The following PDE4D variants were observed in gnomAD, a reference collection of about 807,000 sequenced individuals.
The protein encoded by PDE4D is phosphodiesterase 4D, also known as 3',5'-cyclic-AMP phosphodiesterase 4D.
A neutral mutation model predicts 87.4 loss-of-function variants in PDE4D; 24 were observed. The ratio of observed to expected loss-of-function variants is 0.27; its 90% CI spans 0.20 to 0.39. PDE4D has a LOEUF of 0.39. Among genes scored for constraint, PDE4D ranks in the 10% least tolerant of loss-of-function variants. The probability of loss-of-function intolerance (pLI) is 1.00; values close to 1 mark genes in which losing one functional copy is unlikely to be tolerated. For missense variants in PDE4D, 714 were observed against 1,041.0 expected (o/e 0.69, Z 4.32); for synonymous variants, 384 against 383.2 (o/e 1.00, Z -0.02).
intron 1 of PDE4D, among the ~76,000 whole-genome samples, chr5:59,828,391 A>C (rs1770576561): frequency 6.6e-6 from 1 of 152,076 alleles, no homozygotes; most frequent in East Asian, 1.9e-4. Context: ...AAGATGACTA[A>C]AAAGAAATGT....
intron 3 of PDE4D, among the ~76,000 whole-genome samples, chr5:59,952,488 CA>C (rs1157111336): frequency 6.6e-6 from 1 of 152,238 alleles, no homozygotes. Context: ...TTATATTTTC[CA>C]AAGATTAATA....
At chr5:59,058,785 A>C (rs1050491067) in intron 5 of PDE4D, among the ~76,000 whole-genome samples, 1 of 152,118 alleles carries the variant, frequency 6.6e-6, no homozygotes, top group Admixed American at 6.5e-5. Context: ...GAAAAAAAAA[A>C]ATCACTTCCG....
At chr5:59,323,435 C>T (rs571907403) in intron 1 of PDE4D, among the ~76,000 whole-genome samples, 234 of 152,160 alleles carry the variant, frequency 1.5e-3, no homozygotes, top group African/African-American at 5.2e-3. Flanking sequence ...GAATTTCATA[C>T]AGAATAAGCC....
At chr5:59,640,795 AAACAAC>A (rs765627326) in intron 1 of PDE4D, among the ~76,000 whole-genome samples, 5 of 152,206 alleles carry the variant, frequency 3.3e-5, no homozygotes, top group Non-Finnish European at 7.3e-5. Flanking sequence ...CACAGAAAAC[AAACAAC>A]AACAACAACA....
chr5:59,929,880 A>G (rs988862090), intron 3 of PDE4D, among the ~76,000 whole-genome samples: 2 of 152,212 alleles, frequency 1.3e-5, no homozygotes, highest in Non-Finnish European at 2.9e-5. Context: ...CTGTCTCTGG[A>G]AACCATAATG....
chr5:59,651,254 T>TCAA (rs531393357), intron 1 of PDE4D, among the ~76,000 whole-genome samples: 7,965 of 94,302 alleles, frequency 0.084, 280 homozygotes, highest in South Asian at 0.13. Flanking sequence ...AGACTCTGTC[T>TCAA]CAACAATAAT....
intron 1 of PDE4D, among the ~76,000 whole-genome samples, chr5:59,861,379 G>C (rs1300462377): frequency 6.6e-6 from 1 of 152,098 alleles, no homozygotes; most frequent in Non-Finnish European, 1.5e-5. Context: ...GAGTTTCCAA[G>C]CGAATTGTTA....
At chr5:59,218,462 AG>A (rs1254581913) in intron 1 of PDE4D, among the ~76,000 whole-genome samples, 9 of 152,162 alleles carry the variant, frequency 5.9e-5, no homozygotes, top group African/African-American at 2.2e-4. Flanking sequence ...TCATTTAGAT[AG>A]TTATGATATT....
intron 2 of PDE4D, among the ~76,000 whole-genome samples, chr5:60,149,002 T>C (rs1781262524): frequency 6.6e-6 from 1 of 152,126 alleles, no homozygotes; most frequent in African/African-American, 2.4e-5. Context: ...TGAACAAAAA[T>C]GTAGTGTTTC....
intron 1 of PDE4D, among the ~76,000 whole-genome samples, chr5:59,705,871 T>C (rs910229137): frequency 1.3e-3 from 197 of 152,304 alleles, no homozygotes; most frequent in Non-Finnish European, 2.4e-3. Flanking sequence ...AGTGGTGGAT[T>C]ATAGCACAAT....
intron 2 of PDE4D, among the ~76,000 whole-genome samples, chr5:60,117,263 C>T (rs1778254848): frequency 6.6e-6 from 1 of 151,828 alleles, no homozygotes; most frequent in Non-Finnish European, 1.5e-5. Flanking sequence ...TCACTTTTAT[C>T]CCTTAAGAGC....
At chr5:59,831,839 C>T (rs760231101) in intron 1 of PDE4D, among the ~76,000 whole-genome samples, 4 of 152,014 alleles carry the variant, frequency 2.6e-5, no homozygotes, top group African/African-American at 9.7e-5. Context: ...TGACGCAGTA[C>T]AGCAAACTGC....
At chr5:60,427,726 G>C (rs1005044350) in intron 1 of PDE4D, among the ~76,000 whole-genome samples, 2 of 152,162 alleles carry the variant, frequency 1.3e-5, no homozygotes, top group Admixed American at 1.3e-4. Context: ...AACACTCTAA[G>C]GTTGGGGTTA....
chr5:59,513,913 G>A (rs1451806613), intron 1 of PDE4D, among the ~76,000 whole-genome samples: 2 of 152,068 alleles, frequency 1.3e-5, no homozygotes, highest in Admixed American at 1.3e-4. Context: ...AAAACTTAGA[G>A]CGAAAGTCAG....
rs34074485 is a variant in PDE4D at position 59,413,457 on chromosome 5, C to CAAAAAAAAAAAAAAAAAAAAAAAA, written c.456-197513_456-197490dup. Reference sequence around the variant, plus strand: ...TGGGTGACTGAGTGAGACTCCATCTCAAAAAAAAAAAAAAAAAAAAAAAAG... The same window carrying CAAAAAAAAAAAAAAAAAAAAAAAA: ...TGGGTGACTGAGTGAGACTCCATCTCAAAAAAAAAAAAAAAAAAAAAAAAAAAAAAAAAAAAAAAAAAAAAAAAG... On this transcript the variant is annotated intron_variant, in intron 1 of 14. Coordinates refer to ENST00000340635, the MANE Select transcript of PDE4D (RefSeq NM_001104631.2). Among the ~76,000 whole-genome samples, 90 of 54,422 alleles carry CAAAAAAAAAAAAAAAAAAAAAAAA rather than the reference C, an allele frequency of 1.7e-3. 4 individuals carry two copies. The highest frequency in any genetic ancestry group is 6.7e-3 in the African/African-American group (81 of 12,020). 35.7% of individuals were successfully genotyped at this position (54,422 alleles called of 152,430 possible).
chr5:59,485,913 C>T (rs1403527898), intron 1 of PDE4D, among the ~76,000 whole-genome samples: 2 of 151,994 alleles, frequency 1.3e-5, no homozygotes, highest in African/African-American at 2.4e-5. Context: ...AAATCCTATT[C>T]TCTTTAAAAT....
chr5:59,513,105 GCTAT>G (rs1810546094), intron 1 of PDE4D, among the ~76,000 whole-genome samples: 1 of 151,918 alleles, frequency 6.6e-6, no homozygotes, highest in Non-Finnish European at 1.5e-5. Flanking sequence ...TTTTCATGCC[GCTAT>G]CTTTTTGGTA....
At chr5:59,203,866 A>T (rs1369071014) in intron 2 of PDE4D, among the ~76,000 whole-genome samples, 1 of 152,118 alleles carries the variant, frequency 6.6e-6, no homozygotes, top group African/African-American at 2.4e-5. Context: ...GAATGGGAGG[A>T]TGTGGAATGG....
chr5:59,042,913 G>A (rs1374280721), intron 5 of PDE4D, among the ~76,000 whole-genome samples: 1 of 152,084 alleles, frequency 6.6e-6, no homozygotes, highest in African/African-American at 2.4e-5. Flanking sequence ...TTTTGAAAAA[G>A]GAAAAAAGTA....
Sources: allele counts gnomAD v4.1 joint callset (sites outside exome capture counted in the v4.1 genomes callset), GRCh38; gene constraint gnomAD v4.1.1; transcripts MANE v1.5; gene names NCBI Gene and HGNC (gene_info 2026-07-23, HGNC 2026-07-21).